Variants in CUX2 observed in about 807,000 individuals in gnomAD.
The protein encoded by CUX2 is homeobox protein cut-like 2.
CUX2 carries 40 observed loss-of-function variants against 144.8 expected under a neutral mutation model. The ratio of observed to expected loss-of-function variants is 0.28; its 90% confidence interval spans 0.21 to 0.36. The LOEUF is 0.36. Ranked by LOEUF, CUX2 falls within the 10% of genes least tolerant of loss-of-function variation. The pLI, the probability that CUX2 is intolerant of heterozygous loss-of-function variation, is 1.00. For missense variants in CUX2, 1,615 were observed against 1,994.0 expected, an observed-to-expected ratio of 0.81 and a Z score of 3.62; for synonymous variants, 827 against 875.6, an observed-to-expected ratio of 0.94 and a Z score of 0.98.
At chr12:111,338,526 A>G (rs755232123) in intron 20 of CUX2, 52 bp downstream of exon 20, 1 of 1,538,100 alleles carries the variant, frequency 6.5e-7, no homozygotes, top group Non-Finnish European at 8.8e-7. Flanking sequence ...GATTTTCCCC[A>G]GAACCATATC....
chr12:111,123,928 A>T (rs1186335667), intron 1 of CUX2, among the ~76,000 whole-genome samples: 1 of 152,218 alleles, frequency 6.6e-6, no homozygotes, highest in East Asian at 1.9e-4. Context: ...AAAACACAGC[A>T]AAAGTCAGAG....
intron 18 of CUX2, among the ~76,000 whole-genome samples, chr12:111,326,993 T>C (rs180914681): frequency 6.6e-6 from 1 of 152,164 alleles, no homozygotes; most frequent in Admixed American, 6.5e-5. Flanking sequence ...ATCTAATACA[T>C]GCACAATGCG....
chr12:111,332,487 T>G (rs1888164690), intron 18 of CUX2, among the ~76,000 whole-genome samples: 1 of 152,170 alleles, frequency 6.6e-6, no homozygotes, highest in South Asian at 2.1e-4. Context: ...CATTACATTT[T>G]CTTTCATTGC....
chr12:111,094,242 C>T (rs1872696426), intron 1 of CUX2, among the ~76,000 whole-genome samples: 2 of 152,202 alleles, frequency 1.3e-5, no homozygotes, highest in Middle Eastern at 3.2e-3. Flanking sequence ...GAATCGATCA[C>T]TCCAAGAGCC....
intron 3 of CUX2, among the ~76,000 whole-genome samples, chr12:111,235,544 A>C (rs1882698206): frequency 6.6e-6 from 1 of 151,914 alleles, no homozygotes; most frequent in African/African-American, 2.4e-5. Flanking sequence ...AACATGGTAA[A>C]ACCCCATCTG....
chr12:111,196,594 G>C (rs1880256002), intron 1 of CUX2, among the ~76,000 whole-genome samples: 1 of 152,042 alleles, frequency 6.6e-6, no homozygotes. Context: ...CAGGTGGGGG[G>C]CATACAACAA....
chr12:111,147,027 C>T (rs975461084), intron 1 of CUX2, among the ~76,000 whole-genome samples: 3 of 152,036 alleles, frequency 2.0e-5, no homozygotes, highest in Non-Finnish European at 2.9e-5. Flanking sequence ...CCCAGATAAT[C>T]GGGAGGCTGA....
chr12:111,210,879 C>G (rs1354637241), intron 1 of CUX2, among the ~76,000 whole-genome samples: 3 of 152,042 alleles, frequency 2.0e-5, no homozygotes, highest in Non-Finnish European at 4.4e-5. Context: ...CTGAACACCC[C>G]CCAGCTGATG....
At chr12:111,065,263 A>C (rs1870970312) in intron 1 of CUX2, among the ~76,000 whole-genome samples, 1 of 152,240 alleles carries the variant, frequency 6.6e-6, no homozygotes, top group Non-Finnish European at 1.5e-5. Flanking sequence ...GAAATAAACT[A>C]ATGAGTGGGG....
At chr12:111,223,786 C>T (rs550651160) in intron 3 of CUX2, among the ~76,000 whole-genome samples, 162 of 152,282 alleles carry the variant, frequency 1.1e-3, no homozygotes, top group African/African-American at 3.8e-3. Context: ...CTGGTTCATT[C>T]GCACCTCAGG....
At chr12:111,226,070 A>G (rs186200308) in intron 3 of CUX2, among the ~76,000 whole-genome samples, 3 of 152,332 alleles carry the variant, frequency 2.0e-5, no homozygotes, top group Admixed American at 1.3e-4. Context: ...CAGTCTCCCA[A>G]GCAGCTGGGA....
chr12:111,195,246 T>C (rs1880168433), intron 1 of CUX2, among the ~76,000 whole-genome samples: 2 of 152,182 alleles, frequency 1.3e-5, no homozygotes, highest in South Asian at 4.2e-4. Flanking sequence ...TTCCCTCCCC[T>C]GACTGTTCCA....
rs1211299002 is a variant in CUX2, at chr12:111,037,165, C to T, written c.63+2925C>T. 6.6e-6 allele frequency among the ~76,000 whole-genome samples: 1 copy of T among 152,150 alleles called. No individual in the cohort carries two copies. Among genetic ancestry groups the T allele is most frequent in the African/African-American group, 2.4e-5 (1 of 41,428 alleles). On this transcript the variant is annotated intron_variant, in intron 1 of 21. Coordinates refer to ENST00000261726, the MANE Select transcript of CUX2 (RefSeq NM_015267.4). This position sits in a 1 kb window ranked among gnomAD's most constrained non-coding sequence, Gnocchi z 5.4. Reference sequence around the variant, plus strand: ...CCCAGGCAGCCGGAGAGCCGGGGTCCCGCGTCCCGAGGCTGAGCTGCCTGT... The same window carrying T: ...CCCAGGCAGCCGGAGAGCCGGGGTCTCGCGTCCCGAGGCTGAGCTGCCTGT...
At chr12:111,043,758 A>C (rs570822117) in intron 1 of CUX2, among the ~76,000 whole-genome samples, 22 of 152,318 alleles carry the variant, frequency 1.4e-4, no homozygotes, top group African/African-American at 5.3e-4. Flanking sequence ...ATGCCTCTGA[A>C]AGGGGAAATA....
In CUX2 at chr12:111,320,268, C is replaced by T. The variant is rs778109496; in HGVS notation, c.2259C>T (p.Gly753=). 1.3e-5 allele frequency: 20 copies of T among 1,592,920 alleles called. No individual in the cohort carries two copies. Among genetic ancestry groups the T allele is most frequent in the Admixed American group, 1.7e-5 (1 of 59,496 alleles). Residue 753 remains glycine (G), a synonymous_variant, in exon 17 of 22, where the codon GGC becomes GGT. Transcript: ENST00000261726. This position sits in a 1 kb window ranked among gnomAD's most constrained non-coding sequence, Gnocchi z 8.1. ...TGAAGCAGGAGGAGGGCAGCGGGGG[C>T]CCCGCGCAGGCGCCGCTCCCGGTCC... The part of the protein sequence containing the change: ...ALVKQEEGSG[G]PAQAPLPVLS...
chr12:111,146,336 A>G (rs1011818786), intron 1 of CUX2, among the ~76,000 whole-genome samples: 4 of 152,048 alleles, frequency 2.6e-5, no homozygotes, highest in Non-Finnish European at 5.9e-5. Flanking sequence ...CTTGTATTCC[A>G]CCTACTTATC....
At chr12:111,110,837 G>A (rs191976537) in intron 1 of CUX2, among the ~76,000 whole-genome samples, 31 of 152,322 alleles carry the variant, frequency 2.0e-4, no homozygotes, top group African/African-American at 5.3e-4. Context: ...CTGGGGAGGC[G>A]TGAAGGGGGA....
chr12:111,295,307 C>T lies in CUX2; in HGVS notation c.561-26C>T. On this transcript the variant is annotated intron_variant, in intron 6 of 21. Transcript: ENST00000261726. The surrounding 1 kb of genome is among the most constrained non-coding windows in gnomAD (Gnocchi z 5.0). The stretch of plus-strand genomic sequence containing the variant: ...AGGCAAGGCCTGTCCCTGCAGCCAG[C>T]ACAAGCAGGCCTCGTCTCTCCGCAG... 1 of 1,607,642 alleles carries T rather than the reference C, an allele frequency of 6.2e-7. No homozygotes were observed. The highest frequency in any genetic ancestry group is 8.5e-7 in the Non-Finnish European group (1 of 1,177,344).
At chr12:111,203,417 C>T (rs746225003) in intron 1 of CUX2, among the ~76,000 whole-genome samples, 2 of 151,624 alleles carry the variant, frequency 1.3e-5, no homozygotes, top group Non-Finnish European at 2.9e-5. Flanking sequence ...TGGTGGAGCA[C>T]GCCAGTAGTC....
Sources: gnomAD v4.1 joint callset for allele counts (sites outside exome capture counted in the v4.1 genomes callset) on GRCh38, gnomAD v4.1.1 for gene constraint, Gnocchi (gnomAD v3.1) non-coding constraint, MANE v1.5 for transcripts, NCBI Gene and HGNC (gene_info 2026-07-23, HGNC 2026-07-21) for gene names.